Variants in DLGAP1 observed in about 807,000 individuals in gnomAD.
DLGAP1 encodes DLG associated protein 1, also known as disks large-associated protein 1.
In DLGAP1, 11 loss-of-function variants were observed where a neutral mutation model predicts 90.8. The observed-to-expected ratio is 0.12, with a 90% CI of 0.08 to 0.20. The LOEUF (loss-of-function observed/expected upper bound fraction) is 0.20, where lower values mean the gene tolerates loss of function less well. Ranked by LOEUF, DLGAP1 falls within the 10% of genes least tolerant of loss-of-function variation. DLGAP1 has a pLI of 1.00. For missense variants in DLGAP1, 1,050 were observed against 1,333.8 expected, an observed-to-expected ratio of 0.79 and a Z score of 3.31; for synonymous variants, 558 against 540.7, an observed-to-expected ratio of 1.03 and a Z score of -0.44.
At chr18:4,160,356 C>T (rs1199117077) in intron 1 of DLGAP1, among the ~76,000 whole-genome samples, 10 of 152,192 alleles carry the variant, frequency 6.6e-5, no homozygotes, top group African/African-American at 2.4e-4. Context: ...ATTACTTTCT[C>T]TCCATCCACT....
rs56798281 is a variant in DLGAP1, at chr18:3,574,400, T to C, written c.1966-6819A>G. Among the ~76,000 whole-genome samples, 1,049 of 152,332 alleles carry C rather than the reference T, an allele frequency of 6.9e-3. 5 individuals are homozygous for C. Among genetic ancestry groups the C allele is most frequent in the African/African-American group, 0.024 (984 of 41,568 alleles). On this transcript the variant is annotated intron_variant, in intron 8 of 12. Transcript: ENST00000315677. Reference sequence around the variant, plus strand: ...CTATGGCCACAGCCCATAGTGGTGATTTATAGGATTCCTGCTGTCATTTAT... The same window carrying C: ...CTATGGCCACAGCCCATAGTGGTGACTTATAGGATTCCTGCTGTCATTTAT...
chr18:3,842,373 A>C (rs966626101), intron 4 of DLGAP1, among the ~76,000 whole-genome samples: 3 of 152,212 alleles, frequency 2.0e-5, no homozygotes, highest in Non-Finnish European at 4.4e-5. Context: ...GAACCAGTGA[A>C]GGATTTTTAA....
chr18:3,575,607 T>C (rs910727456), intron 8 of DLGAP1, among the ~76,000 whole-genome samples: 1 of 152,212 alleles, frequency 6.6e-6, no homozygotes, highest in Non-Finnish European at 1.5e-5. Flanking sequence ...GGAAATCTCA[T>C]ATTTTGCTCT....
intron 7 of DLGAP1, among the ~76,000 whole-genome samples, chr18:3,644,062 A>G (rs1218288533): frequency 6.6e-6 from 1 of 152,180 alleles, no homozygotes; most frequent in Non-Finnish European, 1.5e-5. Context: ...AGCCAATAAA[A>G]TATAAGTGGA....
chr18:3,698,110 G>T (rs1420181381), intron 7 of DLGAP1, among the ~76,000 whole-genome samples: 1 of 152,144 alleles, frequency 6.6e-6, no homozygotes, highest in Non-Finnish European at 1.5e-5. Context: ...CCTGAATACA[G>T]CACACCGCTG....
chr18:3,720,813 A>G (rs950861961), intron 7 of DLGAP1, among the ~76,000 whole-genome samples: 4 of 145,576 alleles, frequency 2.7e-5, no homozygotes, highest in African/African-American at 1.0e-4. Flanking sequence ...GCACTTTGGG[A>G]GGCTGAGGCA....
At chr18:3,623,309 AT>A (rs1187544122) in intron 7 of DLGAP1, among the ~76,000 whole-genome samples, 1 of 152,216 alleles carries the variant, frequency 6.6e-6, no homozygotes, top group Non-Finnish European at 1.5e-5. Flanking sequence ...AATGCAATTA[AT>A]TGTGGTTAAT....
At chr18:3,980,742 T>A (rs1362095357) in intron 3 of DLGAP1, among the ~76,000 whole-genome samples, 1 of 152,236 alleles carries the variant, frequency 6.6e-6, no homozygotes, top group Non-Finnish European at 1.5e-5. Context: ...TTATTTATTT[T>A]TTGAATTGAA....
intron 2 of DLGAP1, among the ~76,000 whole-genome samples, chr18:4,144,149 G>A (rs1318971295): frequency 2.6e-5 from 4 of 152,166 alleles, no homozygotes; most frequent in African/African-American, 9.7e-5. Context: ...CAACCCCACT[G>A]GCTCCGAGTC....
intron 1 of DLGAP1, among the ~76,000 whole-genome samples, chr18:4,191,310 A>C (rs565689409): frequency 4.1e-4 from 62 of 152,310 alleles, no homozygotes; most frequent in Non-Finnish European, 6.5e-4. Flanking sequence ...CTAGTAATTC[A>C]TACCAAAGAC....
At chr18:3,732,385 A>T (rs935520153) in intron 6 of DLGAP1, among the ~76,000 whole-genome samples, 1 of 152,258 alleles carries the variant, frequency 6.6e-6, no homozygotes, top group East Asian at 1.9e-4. Flanking sequence ...TGCAAAATGC[A>T]ATATTCTATA....
At chr18:4,420,299 A>G (rs2082999301) in intron 1 of DLGAP1, among the ~76,000 whole-genome samples, 1 of 152,172 alleles carries the variant, frequency 6.6e-6, no homozygotes, top group African/African-American at 2.4e-5. Flanking sequence ...AGGATATAGA[A>G]CACCCGAGCA....
At chr18:3,883,196 A>G (rs1367473822) in intron 3 of DLGAP1, among the ~76,000 whole-genome samples, 3 of 152,264 alleles carry the variant, frequency 2.0e-5, no homozygotes, top group Non-Finnish European at 4.4e-5. Flanking sequence ...GCAAGCCGAG[A>G]TCGTGCCACT....
At chr18:4,161,735 A>G (rs141647579) in intron 1 of DLGAP1, among the ~76,000 whole-genome samples, 13 of 152,346 alleles carry the variant, frequency 8.5e-5, no homozygotes, top group African/African-American at 3.1e-4. Flanking sequence ...CACTGCCACA[A>G]AATGTAACTC....
intron 1 of DLGAP1, among the ~76,000 whole-genome samples, chr18:4,422,139 G>C (rs942472556): frequency 4.4e-4 from 67 of 151,974 alleles, no homozygotes; most frequent in South Asian, 2.1e-4. Flanking sequence ...GTTGAATCTA[G>C]TATAAAATGC....
chr18:3,499,382 G>A lies in DLGAP1; in HGVS notation c.2737C>T (p.Pro913Ser), dbSNP rs1156522100. The A allele has an allele frequency of 1.3e-6, 2 of 1,549,884 alleles. No individual in the cohort carries two copies. The highest frequency in any genetic ancestry group is 2.0e-5 in the Admixed American group (1 of 50,868). Reference protein sequence around the residue: ...DPLDKKERRAPPPVPKKPAKG... With the variant: ...DPLDKKERRASPPVPKKPAKG... ...GCCGGCTTCTTTGGCACTGGAGGAGGGGCCCTTCTCTCCTGATCAAAGCAG... is the reference window on the plus strand; with the variant it reads ...GCCGGCTTCTTTGGCACTGGAGGAGAGGCCCTTCTCTCCTGATCAAAGCAG... Residue 913 changes from proline (P) to serine (S), a missense_variant, in exon 13 of 13, where the codon CCT (proline) becomes TCT (serine). Physicochemically the swap from Pro to Ser is moderately conservative, Grantham distance 74. Around this residue, in one of 2 missense-constraint regions of DLGAP1, gnomAD observed 565 missense variants for 879.7 expected, o/e 0.64. Transcript: ENST00000315677. The surrounding 1 kb of genome is among the most constrained non-coding windows in gnomAD (Gnocchi z 6.4).
In DLGAP1 at chr18:4,062,384, A is replaced by G. The variant is rs180778308; in HGVS notation, c.-158-57183T>C. Among the ~76,000 whole-genome samples, 314 of 152,254 alleles carry G rather than the reference A, an allele frequency of 2.1e-3. 7 individuals carry two copies. In the South Asian group the frequency reaches 0.041, roughly 20 times the overall value. ...GGAAAACTGGCCTCATACCTCATCT[A>G]CACAGTCCGTGTACAGGGTACCTGA... is the stretch of plus-strand genomic sequence containing the variant. On this transcript the variant is annotated intron_variant, in intron 2 of 12. Transcript: ENST00000315677.
intron 3 of DLGAP1, chr18:3,995,851 C>A (rs776454808): frequency 4.6e-5 from 7 of 151,680 alleles, no homozygotes; most frequent in East Asian, 1.9e-4. Context: ...TTATTTATCC[C>A]AATAAGATAT....
chr18:3,574,952 C>T (rs956996262), intron 8 of DLGAP1, among the ~76,000 whole-genome samples: 1 of 151,530 alleles, frequency 6.6e-6, no homozygotes. Flanking sequence ...GTAGCTGGGA[C>T]TACAGGCGCC....
Sources: allele counts gnomAD v4.1 joint callset (sites outside exome capture counted in the v4.1 genomes callset), GRCh38; gene constraint gnomAD v4.1.1; regional missense constraint gnomAD v4.1.1; non-coding constraint Gnocchi (gnomAD v3.1); transcripts MANE v1.5; gene names NCBI Gene and HGNC (gene_info 2026-07-23, HGNC 2026-07-21).